UBTD2: variants seen among roughly 807,000 people sequenced by gnomAD.
UBTD2 encodes the protein ubiquitin domain-containing protein 2.
UBTD2 carries 9 observed loss-of-function variants against 19.8 expected under a neutral mutation model. The observed-to-expected ratio is 0.46, with a 90% CI of 0.27 to 0.79. The LOEUF is 0.79. Among genes scored for constraint, UBTD2 ranks in the 30% least tolerant of loss-of-function variants. The pLI, the probability that UBTD2 is intolerant of heterozygous loss-of-function variation, is 0.14. For missense variants in UBTD2, 250 were observed against 300.4 expected, an observed-to-expected ratio of 0.83 and a Z score of 1.24; for synonymous variants, 98 against 103.9, an observed-to-expected ratio of 0.94 and a Z score of 0.35.
chr5:172,281,354 C>G (rs943877825), intron 1 of UBTD2, among the ~76,000 whole-genome samples: 1 of 152,108 alleles, frequency 6.6e-6, no homozygotes. Context: ...AAAAATTAGC[C>G]GGGTGCGGTG....
Position 172,283,432 on chromosome 5 carries a change from C to A in UBTD2, c.70+164G>T, listed in dbSNP as rs1755763497. Among the ~76,000 whole-genome samples, 1 of 151,948 alleles carries A rather than the reference C, an allele frequency of 6.6e-6. No individual in the cohort carries two copies. The highest frequency in any genetic ancestry group is 2.4e-5 in the African/African-American group (1 of 41,362). On this transcript the variant is annotated intron_variant, in intron 1 of 2. Coordinates refer to ENST00000393792, the MANE Select transcript of UBTD2 (RefSeq NM_152277.3). This position sits in a 1 kb window ranked among gnomAD's most constrained non-coding sequence, Gnocchi z 4.3. The stretch of plus-strand genomic sequence containing the variant: ...AGGGCTGGGGCGGGAAGGGGCGACC[C>A]CCGCGGCTGGCAGGACAGCCGGAAG...
intron 1 of UBTD2, among the ~76,000 whole-genome samples, chr5:172,243,114 C>T (rs537694458): frequency 1.9e-4 from 28 of 149,302 alleles, no homozygotes; most frequent in African/African-American, 6.7e-4. Flanking sequence ...AGGTGTCAGC[C>T]ACCATGACTG....
chr5:172,219,824 A>C (rs951231094), intron 2 of UBTD2, among the ~76,000 whole-genome samples: 3 of 152,244 alleles, frequency 2.0e-5, no homozygotes, highest in African/African-American at 7.2e-5. Context: ...CAGTTGAAAA[A>C]GGCATTACAT....
intron 1 of UBTD2, among the ~76,000 whole-genome samples, chr5:172,254,168 C>T (rs1245295429): frequency 1.3e-5 from 2 of 152,106 alleles, no homozygotes; most frequent in African/African-American, 4.8e-5. Flanking sequence ...GGTGCAATCT[C>T]GGCTCACTAC....
At chr5:172,225,225 G>T (rs1159987337) in intron 2 of UBTD2, among the ~76,000 whole-genome samples, 1 of 152,146 alleles carries the variant, frequency 6.6e-6, no homozygotes, top group Non-Finnish European at 1.5e-5. Context: ...GAAGAAAGCT[G>T]CCAAGTCTCC....
intron 2 of UBTD2, among the ~76,000 whole-genome samples, chr5:172,221,934 G>A (rs1771660233): frequency 6.6e-6 from 1 of 152,106 alleles, no homozygotes; most frequent in Admixed American, 6.6e-5. Context: ...ACTGGGGGAG[G>A]CTATGCATGT....
intron 2 of UBTD2, among the ~76,000 whole-genome samples, chr5:172,213,096 T>C (rs1270210899): frequency 2.0e-5 from 3 of 152,114 alleles, no homozygotes; most frequent in East Asian, 1.9e-4. Context: ...GTTCAAGCAA[T>C]TCTCCTGCCT....
At chr5:172,237,433 G>A (rs573429858) in intron 1 of UBTD2, among the ~76,000 whole-genome samples, 13 of 152,130 alleles carry the variant, frequency 8.5e-5, no homozygotes, top group South Asian at 4.2e-4. Flanking sequence ...AAAGTTTCAC[G>A]GTAATTTGTG....
At chr5:172,269,307 C>T (rs1300317532) in intron 1 of UBTD2, among the ~76,000 whole-genome samples, 10 of 151,494 alleles carry the variant, frequency 6.6e-5, no homozygotes, top group Admixed American at 3.3e-4. Flanking sequence ...CTGGCTGACA[C>T]GGTGAAACCC....
intron 1 of UBTD2, among the ~76,000 whole-genome samples, chr5:172,268,290 T>C (rs1018078049): frequency 2.6e-5 from 4 of 152,078 alleles, no homozygotes; most frequent in Non-Finnish European, 4.4e-5. Context: ...AGTTGGTCAA[T>C]AATGAAAGAT....
chr5:172,212,048 C>G lies in UBTD2; in HGVS notation c.487G>C (p.Asp163His). The G allele has an allele frequency of 6.2e-7, 1 of 1,614,248 alleles. No homozygotes were observed. The highest frequency in any genetic ancestry group is 8.5e-7 in the Non-Finnish European group (1 of 1,180,040). Reference protein sequence around the residue: ...QLRLRLSTGKDLKLVVRSTDT... With the variant: ...QLRLRLSTGKHLKLVVRSTDT... ...GTGCTGCGAACCACAAGCTTGAGGT[C>G]TTTGCCTGTGGAAAGGCGCAAACGA... Residue 163 changes from aspartate (D) to histidine (H), a missense_variant, in exon 3 of 3, where the codon GAC becomes CAC. Asp to His is a moderately conservative substitution (Grantham distance 81). Transcript: ENST00000393792.
At chr5:172,258,634 A>G (rs1393800080) in intron 1 of UBTD2, among the ~76,000 whole-genome samples, 3 of 152,150 alleles carry the variant, frequency 2.0e-5, no homozygotes, top group Non-Finnish European at 4.4e-5. Flanking sequence ...GATTTCCTTC[A>G]GCAGTGTTTT....
chr5:172,259,664 C>T (rs555714900), intron 1 of UBTD2, among the ~76,000 whole-genome samples: 17 of 151,766 alleles, frequency 1.1e-4, no homozygotes, highest in Non-Finnish European at 2.5e-4. Flanking sequence ...TTTTCTGTTA[C>T]CTAGAAGGCA....
intron 2 of UBTD2, among the ~76,000 whole-genome samples, chr5:172,229,332 C>T (rs575396296): frequency 1.3e-5 from 2 of 151,894 alleles, no homozygotes; most frequent in Admixed American, 1.3e-4. Context: ...AACCCTGTCT[C>T]TACTAAAAAA....
At chr5:172,270,039 T>C (rs573322617) in intron 1 of UBTD2, among the ~76,000 whole-genome samples, 1 of 151,432 alleles carries the variant, frequency 6.6e-6, no homozygotes, top group Admixed American at 6.6e-5. Flanking sequence ...ATCACGCCAT[T>C]GCACTCCAGC....
chr5:172,211,806 G>A lies in UBTD2; in HGVS notation c.*24C>T. On this transcript the variant is annotated 3_prime_UTR_variant, in exon 3 of 3. Transcript: ENST00000393792. The stretch of plus-strand genomic sequence containing the variant: ...ACCATAAAAAGGAGCAGAGGGATGT[G>A]GGAGCTGGCCAACAGGGCTCAGTTC... The A allele has an allele frequency of 6.4e-7, 1 of 1,564,064 alleles. No individual in the cohort carries two copies. Among genetic ancestry groups the A allele is most frequent in the Non-Finnish European group, 8.7e-7 (1 of 1,153,790 alleles).
intron 2 of UBTD2, among the ~76,000 whole-genome samples, chr5:172,217,099 C>G (rs1771559304): frequency 6.6e-6 from 1 of 151,996 alleles, no homozygotes; most frequent in Non-Finnish European, 1.5e-5. Flanking sequence ...ATTCTGTATG[C>G]TGTGAAATTA....
chr5:172,236,984 C>T lies in UBTD2; in HGVS notation c.71-2626G>A, dbSNP rs1581217859. On this transcript the variant is annotated intron_variant, in intron 1 of 2. Transcript: ENST00000393792. The stretch of plus-strand genomic sequence containing the variant: ...ACAAATGTGAGGTAGGTTCATTTCA[C>T]CTCTCTCCGTTTGTACTAAGCATAG... 2.0e-5 allele frequency among the ~76,000 whole-genome samples: 3 copies of T among 152,312 alleles called. No individual in the cohort carries two copies. The South Asian group carries it at 6.2e-4, about 32-fold the overall frequency.
chr5:172,260,127 T>C (rs72645782), intron 1 of UBTD2, among the ~76,000 whole-genome samples: 11,098 of 147,032 alleles, frequency 0.075, 441 homozygotes, highest in South Asian at 0.12. Context: ...TTAATCAGTA[T>C]TTTCCTATTC....
Sources: gnomAD v4.1 joint callset for allele counts (sites outside exome capture counted in the v4.1 genomes callset) on GRCh38, gnomAD v4.1.1 for gene constraint, Gnocchi (gnomAD v3.1) non-coding constraint, MANE v1.5 for transcripts, NCBI Gene and HGNC (gene_info 2026-07-23, HGNC 2026-07-21) for gene names.